NRL: variants seen among roughly 807,000 people sequenced by gnomAD.
NRL encodes the protein neural retina-specific leucine zipper protein.
Under a neutral mutation model 12.5 loss-of-function variants are expected in NRL, and 16 were observed. The ratio of observed to expected loss-of-function variants is 1.28; its 90% confidence interval spans 0.87 to 1.95. The LOEUF (loss-of-function observed/expected upper bound fraction) is 1.95. NRL is among the 30% of genes most tolerant of loss of function. NRL has a pLI of 0.00. For missense variants in NRL, 314 were observed against 325.8 expected (o/e 0.96, Z 0.28); for synonymous variants, 142 against 150.9 (o/e 0.94, Z 0.43).
intron 1 of NRL, chr14:24,104,117 T>C (rs1351297989): frequency 1.6e-6 from 1 of 620,468 alleles, no homozygotes; most frequent in African/African-American, 1.8e-5. Flanking sequence ...GAGATGCTTA[T>C]CTATTTTACA....
intron 1 of NRL, chr14:24,103,737 G>C: frequency 6.2e-7 from 1 of 1,614,166 alleles, no homozygotes; most frequent in Non-Finnish European, 8.5e-7. Context: ...AGAGGGGGAG[G>C]ACAGTGCCCG....
chr14:24,091,709 C>A lies in NRL; in HGVS notation c.-27-8834G>T, dbSNP rs80262628. Among the ~76,000 whole-genome samples, 5 of 148,214 alleles carry A rather than the reference C, an allele frequency of 3.4e-5. No homozygotes were observed. In the Admixed American group the frequency reaches 3.4e-4, roughly 10 times the overall value. ...TTTGTGTGACTTTGAGCAAATGACT[C>A]TTTTTTTTTTCAATATACACAAAGC... On this transcript the variant is annotated intron_variant, in intron 1 of 2. Transcript: ENST00000561028.
At chr14:24,110,119 C>CTT (rs563374411) in intron 1 of NRL, among the ~76,000 whole-genome samples, 1 of 146,248 alleles carries the variant, frequency 6.8e-6, no homozygotes. Context: ...TATTATTATA[C>CTT]TTTTTTTTTT....
In NRL at chr14:24,094,492, G is replaced by T. The variant is rs1372595510; in HGVS notation, c.-27-11617C>A. ...CCTTCCGCTGCGCTCGCCCCCTCGG[G>T]GCTGCCAGTGGCGCTCTCCTGCTCT... is the stretch of plus-strand genomic sequence containing the variant. On this transcript the variant is annotated intron_variant, in intron 1 of 2. Transcript: ENST00000561028. This position sits in a 1 kb window ranked among gnomAD's most constrained non-coding sequence, Gnocchi z 4.1. 7 of 1,475,636 alleles carry T rather than the reference G, an allele frequency of 4.7e-6. No individual in the cohort carries two copies. The highest frequency in any genetic ancestry group is 6.2e-6 in the Non-Finnish European group (7 of 1,121,034). The allele number at this position is 1,475,636 out of a possible 1,614,324, so 91.4% of individuals were successfully genotyped here. A position where few individuals can be genotyped will look rare whatever the true frequency, so the allele number is the denominator to read the frequency against.
chr14:24,106,486 C>T (rs1040527767), intron 1 of NRL, among the ~76,000 whole-genome samples: 7 of 152,048 alleles, frequency 4.6e-5, no homozygotes, highest in South Asian at 4.1e-4. Context: ...TTTGGGAGGC[C>T]GAGGTGGGCA....
intron 1 of NRL, among the ~76,000 whole-genome samples, chr14:24,097,301 A>G (rs1220879570): frequency 6.6e-6 from 1 of 151,934 alleles, no homozygotes; most frequent in African/African-American, 2.4e-5. Context: ...CTATAATCCC[A>G]GCACTTTGAG....
intron 1 of NRL, among the ~76,000 whole-genome samples, chr14:24,083,917 T>A (rs144183829): frequency 2.0e-5 from 3 of 152,208 alleles, no homozygotes; most frequent in African/African-American, 7.2e-5. Context: ...ATGGGGCACA[T>A]GTTCACCTGA....
chr14:24,103,762 G>T, intron 1 of NRL: 1 of 1,614,188 alleles, frequency 6.2e-7, no homozygotes, highest in Non-Finnish European at 8.5e-7. Context: ...ACACCCATTG[G>T]GCTGGTGCCA....
chr14:24,097,564 CA>C (rs61077083), intron 1 of NRL, among the ~76,000 whole-genome samples: 90,016 of 138,772 alleles, frequency 0.65, 29,831 homozygotes, highest in Non-Finnish European at 0.75. Flanking sequence ...AACTCTGTCT[CA>C]AAAAAAAAAA....
intron 1 of NRL, among the ~76,000 whole-genome samples, chr14:24,113,857 C>T (rs1159062727): frequency 6.6e-6 from 1 of 152,252 alleles, no homozygotes; most frequent in Non-Finnish European, 1.5e-5. Flanking sequence ...CGGAGGGAAG[C>T]TCGCAGCTTT....
Position 24,085,074 on chromosome 14 carries a change from T to C in NRL, c.-27-2199A>G, listed in dbSNP as rs2036431761. Among the ~76,000 whole-genome samples, 1 of 152,254 alleles carries C rather than the reference T, an allele frequency of 6.6e-6. No individual in the cohort carries two copies. Among genetic ancestry groups the C allele is most frequent in the African/African-American group, 2.4e-5 (1 of 41,542 alleles). On this transcript the variant is annotated intron_variant, in intron 1 of 2. Coordinates refer to ENST00000561028, the MANE Select transcript of NRL (RefSeq NM_001354768.3). The surrounding 1 kb of genome is among the most constrained non-coding windows in gnomAD (Gnocchi z 4.1). ...CTCTCACCGGGCCTTTTGGATCTGT[T>C]TCCTATTTTCAAGAATCCTCACATT...
At chr14:24,106,614 A>G (rs2037342326) in intron 1 of NRL, among the ~76,000 whole-genome samples, 1 of 151,984 alleles carries the variant, frequency 6.6e-6, no homozygotes, top group Non-Finnish European at 1.5e-5. Context: ...CCAGCTACTC[A>G]GGAAGCTGAG....
intron 1 of NRL, among the ~76,000 whole-genome samples, chr14:24,088,441 A>G (rs2036520487): frequency 6.6e-6 from 1 of 152,246 alleles, no homozygotes; most frequent in Non-Finnish European, 1.5e-5. Flanking sequence ...TGTCAGGGGT[A>G]GGAGGCAAAG....
In NRL at chr14:24,094,370, G is replaced by T. The variant is rs778667330; in HGVS notation, c.-27-11495C>A. The T allele has an allele frequency of 3.3e-6, 5 of 1,535,126 alleles. No individual in the cohort carries two copies. Reference sequence around the variant, plus strand: ...CTTCCATACCTCCCCGGCTCCGCTCGGTTCCTGGCCACCCCGCAGCCCCTG... The same window carrying T: ...CTTCCATACCTCCCCGGCTCCGCTCTGTTCCTGGCCACCCCGCAGCCCCTG... On this transcript the variant is annotated intron_variant, in intron 1 of 2. Coordinates refer to ENST00000561028, the MANE Select transcript of NRL (RefSeq NM_001354768.3). The surrounding 1 kb of genome is among the most constrained non-coding windows in gnomAD (Gnocchi z 4.1).
rs77710231 is a variant in NRL at position 24,086,723 on chromosome 14, C to A, written c.-27-3848G>T. Among the ~76,000 whole-genome samples, 14 of 152,368 alleles carry A rather than the reference C, an allele frequency of 9.2e-5. No individual in the cohort carries two copies. In the East Asian group the frequency reaches 2.7e-3, roughly 29 times the overall value. On this transcript the variant is annotated intron_variant, in intron 1 of 2. Transcript: ENST00000561028. ...CCAACCAGCAGCTGTCAGGTCTGCA[C>A]TGATCCTCTTGTTTACTGGAGGGCT...
intron 1 of NRL, chr14:24,096,872 T>A: frequency 1.9e-6 from 3 of 1,603,658 alleles, no homozygotes; most frequent in Non-Finnish European, 2.6e-6. Context: ...ACTAGCTCAT[T>A]GCCTCTGTTT....
chr14:24,110,340 G>A (rs962498717), intron 1 of NRL: 2 of 397,362 alleles, frequency 5.0e-6, no homozygotes, highest in African/African-American at 2.1e-5. Flanking sequence ...AATTCCTGTG[G>A]TCAAGCGAGC....
intron 1 of NRL, among the ~76,000 whole-genome samples, chr14:24,095,868 C>A (rs2036851056): frequency 6.6e-6 from 1 of 152,326 alleles, no homozygotes; most frequent in South Asian, 2.1e-4. Flanking sequence ...AGTGGTCAAC[C>A]TTCCGCAGAG....
intron 1 of NRL, chr14:24,110,360 C>A: frequency 5.2e-6 from 2 of 387,986 alleles, no homozygotes; most frequent in Non-Finnish European, 1.1e-5. Flanking sequence ...CTGCCCGCCT[C>A]AGCCTCTCAA....
Sources: allele counts gnomAD v4.1 joint callset (sites outside exome capture counted in the v4.1 genomes callset), GRCh38; gene constraint gnomAD v4.1.1; non-coding constraint Gnocchi (gnomAD v3.1); transcripts MANE v1.5; gene names NCBI Gene and HGNC (gene_info 2026-07-23, HGNC 2026-07-21).